USP54: variants seen among roughly 807,000 people sequenced by gnomAD.
USP54 encodes ubiquitin specific peptidase 54.
USP54 carries 87 observed loss-of-function variants against 170.5 expected under a neutral mutation model. That is an observed-to-expected ratio of 0.51 (90% CI 0.43 to 0.61). The LOEUF (loss-of-function observed/expected upper bound fraction) is 0.61. USP54 is among the 20% of genes least tolerant of loss of function. The pLI is 0.00. For synonymous variants in USP54, 655 were observed against 742.8 expected (o/e 0.88, Z 1.92); for missense variants, 1,786 against 2,047.8 (o/e 0.87, Z 2.47).
intron 10 of USP54, among the ~76,000 whole-genome samples, chr10:73,539,157 T>C (rs1020862986): frequency 2.6e-5 from 4 of 151,386 alleles, no homozygotes; most frequent in Non-Finnish European, 5.9e-5. Context: ...CATGCGCATG[T>C]ACTCCCAGCT....
At chr10:73,520,519 T>C (rs1004672407) in intron 18 of USP54, among the ~76,000 whole-genome samples, 4 of 152,210 alleles carry the variant, frequency 2.6e-5, no homozygotes, top group African/African-American at 9.7e-5. Context: ...AAATACTGAA[T>C]TAAAAAGTCA....
chr10:73,594,628 A>C (rs974862531), upstream of USP54, among the ~76,000 whole-genome samples: 3 of 151,756 alleles, frequency 2.0e-5, no homozygotes, highest in African/African-American at 4.8e-5. Context: ...TGAGACTTTT[A>C]AATAAACTGG....
Position 73,517,329 on chromosome 10 carries a change from C to T in USP54, c.3097G>A (p.Ala1033Thr). The change falls in exon 20 of 24, where the codon GCT becomes ACT. Residue 1033 changes from alanine to threonine, a missense_variant. Around this residue, in one of 3 missense-constraint regions of USP54, gnomAD observed 1,418 missense variants for 1,569.0 expected, o/e 0.90. Coordinates refer to ENST00000687698, the MANE Select transcript of USP54 (RefSeq NM_001391956.1). Reference protein sequence around the residue: ...EQLFQEKKDPANPSPVMPGIA... With the variant: ...EQLFQEKKDPTNPSPVMPGIA... ...CCAGGCATCACCGGGGAGGGGTTAG[C>T]AGGATCCTTCTTTTCTTGGAACAGC... 6.2e-7 allele frequency: 1 copy of T among 1,612,190 alleles called. No homozygotes were observed. The highest frequency in any genetic ancestry group is 8.5e-7 in the Non-Finnish European group (1 of 1,179,076).
At chr10:73,514,009 G>A (rs573687552) in intron 20 of USP54, among the ~76,000 whole-genome samples, 20 of 152,092 alleles carry the variant, frequency 1.3e-4, no homozygotes, top group Admixed American at 8.5e-4. Context: ...TAGAGACAGG[G>A]TCTCACCATG....
chr10:73,519,631 A>C, intron 19 of USP54, 166 bp downstream of exon 19: 1 of 998,718 alleles, frequency 1.0e-6, no homozygotes, highest in East Asian at 2.6e-5. Flanking sequence ...AAGGACCAGC[A>C]GTACAATGAG....
chr10:73,623,076 T>C (rs573544789), intron 1 of USP54, among the ~76,000 whole-genome samples: 2 of 152,338 alleles, frequency 1.3e-5, no homozygotes, highest in African/African-American at 4.8e-5. Flanking sequence ...GTTAACACTT[T>C]GTAATTTTGA....
At chr10:73,566,746 A>C (rs185036910) in intron 4 of USP54, among the ~76,000 whole-genome samples, 3,470 of 149,616 alleles carry the variant, frequency 0.023, 132 homozygotes, top group African/African-American at 0.078. Flanking sequence ...AACAAACAAA[A>C]AAACAAAACA....
At chr10:73,589,669 G>A (rs1366638975) in intron 1 of USP54, among the ~76,000 whole-genome samples, 3 of 152,024 alleles carry the variant, frequency 2.0e-5, no homozygotes, top group Non-Finnish European at 4.4e-5. Context: ...ATCAACAAGA[G>A]GAAAAAAGGA....
chr10:73,499,021 T>A lies in USP54; in HGVS notation c.4663A>T (p.Arg1555Ter). The A allele has an allele frequency of 6.2e-7, 1 of 1,614,188 alleles. No individual in the cohort carries two copies. The highest frequency in any genetic ancestry group is 8.5e-7 in the Non-Finnish European group (1 of 1,180,046). ...TTGCACCCTGGAGTAGTCAGGAATC[T>A]GGTCCCAATATGCTGGTTGGTCTCT... ...WSETNQHIGTRFLTTPGCNPQ... is the reference protein window; with the variant it reads ...WSETNQHIGT The change falls in exon 24 of 24, where the codon AGA (arginine) becomes TGA (stop). Residue 1555 changes from arginine to a stop codon, truncating the protein, a stop_gained. Transcript: ENST00000687698. LOFTEE classifies it high-confidence loss of function.
At position 73,542,889 on chromosome 10, in the gene USP54, G is replaced by A. The variant is rs554201509; in HGVS notation, c.490-4C>T. Reference sequence around the variant, plus strand: ...CACCACAGCTAGTACATACACACTGGGCAAAAGAGAAAAAGGCAAAACCAA... The same window carrying A: ...CACCACAGCTAGTACATACACACTGAGCAAAAGAGAAAAAGGCAAAACCAA... On this transcript the variant is annotated splice_polypyrimidine_tract_variant and splice_region_variant and intron_variant, in intron 6 of 23. Coordinates refer to ENST00000687698, the MANE Select transcript of USP54 (RefSeq NM_001391956.1). 1.2e-6 allele frequency: 2 copies of A among 1,614,020 alleles called. No individual in the cohort carries two copies. Among genetic ancestry groups the A allele is most frequent in the South Asian group, 2.2e-5 (2 of 91,070 alleles).
At chr10:73,585,963 A>G (rs1475288864) in intron 1 of USP54, among the ~76,000 whole-genome samples, 1 of 152,156 alleles carries the variant, frequency 6.6e-6, no homozygotes, top group Non-Finnish European at 1.5e-5. Context: ...GTGAGCCAAG[A>G]TCGCACCACT....
chr10:73,568,752 T>C (rs1040923629), intron 4 of USP54, among the ~76,000 whole-genome samples: 2 of 152,134 alleles, frequency 1.3e-5, no homozygotes, highest in Non-Finnish European at 1.5e-5. Flanking sequence ...TAGCCTTTGA[T>C]AAATACATCC....
intron 20 of USP54, 30 bp downstream of exon 20, chr10:73,516,345 C>G (rs199900767): frequency 3.1e-5 from 49 of 1,577,020 alleles, no homozygotes; most frequent in East Asian, 4.5e-5. Flanking sequence ...GATCCTCCCC[C>G]CTCCCCCCAA....
rs2133098013 is a variant in USP54 at position 73,499,107 on chromosome 10, G to A, written c.4577C>T (p.Thr1526Ile). The change falls in exon 24 of 24, where the codon ACT becomes ATT. Residue 1526 changes from threonine (T) to isoleucine (I), a missense_variant. By Grantham distance (89) the Thr-to-Ile change is moderately conservative. Coordinates refer to ENST00000687698, the MANE Select transcript of USP54 (RefSeq NM_001391956.1). The part of the protein sequence containing the change: ...TSQGAKYTGR[T>I]LNYQSLPHRS... Reference sequence around the variant, plus strand: ...ATGGGGGAGGCTCTGGTAGTTCAAAGTCCTTCCTGTGTACTTGGCCCCTTG... The same window carrying A: ...ATGGGGGAGGCTCTGGTAGTTCAAAATCCTTCCTGTGTACTTGGCCCCTTG... 6.2e-7 allele frequency: 1 copy of A among 1,614,106 alleles called. No homozygotes were observed. The highest frequency in any genetic ancestry group is 8.5e-7 in the Non-Finnish European group (1 of 1,179,986).
chr10:73,575,573 G>T lies in USP54; in HGVS notation c.86C>A (p.Pro29His). 1 of 1,613,910 alleles carries T rather than the reference G, an allele frequency of 6.2e-7. No individual in the cohort carries two copies. Residue 29 changes from proline to histidine, a missense_variant, in exon 3 of 24, where the codon CCC (proline) becomes CAC (histidine). Physicochemically the swap from Pro to His is moderately conservative, Grantham distance 77. Coordinates refer to ENST00000687698, the MANE Select transcript of USP54 (RefSeq NM_001391956.1). ...TGGCTCATTGCTGAGGCCTTTGCTG[G>T]GGGCTATGGAGGTTGAGCTTCGAGG... ...FAPRSSTSIA[P>H]SKGLSNEPGQ...
chr10:73,498,501 CCT>C lies in USP54; in HGVS notation c.*126_*127del. 1.1e-6 allele frequency: 1 copy of C among 885,606 alleles called. No individual in the cohort carries two copies. The highest frequency in any genetic ancestry group is 1.6e-6 in the Non-Finnish European group (1 of 613,358). 54.9% of individuals were successfully genotyped at this position (885,606 alleles called of 1,614,324 possible). A position where few individuals can be genotyped will look rare whatever the true frequency, so the allele number is the denominator to read the frequency against. On this transcript the variant is annotated 3_prime_UTR_variant, in exon 24 of 24. Transcript: ENST00000687698. Reference sequence around the variant, plus strand: ...ATGTTGGCCAGGATGGTCTCAATCTCCTGACCTCGTGATCCACCCGCCTCAGC... The same window carrying C: ...ATGTTGGCCAGGATGGTCTCAATCTCGACCTCGTGATCCACCCGCCTCAGC...
chr10:73,508,289 C>T (rs1346925907), intron 20 of USP54, among the ~76,000 whole-genome samples: 1 of 151,834 alleles, frequency 6.6e-6, no homozygotes, highest in Non-Finnish European at 1.5e-5. Context: ...CGCCTGTAGT[C>T]CCAGCTACTC....
intron 4 of USP54, among the ~76,000 whole-genome samples, chr10:73,549,695 C>A (rs1249437176): frequency 6.6e-6 from 1 of 152,174 alleles, no homozygotes. Flanking sequence ...CAGCCTAGTC[C>A]AAGTCATCTC....
intron 1 of USP54, among the ~76,000 whole-genome samples, chr10:73,579,989 G>A (rs188600752): frequency 3.0e-4 from 45 of 152,116 alleles, no homozygotes; most frequent in African/African-American, 9.9e-4. Flanking sequence ...AAGTGCCGAT[G>A]AGGAATCAGA....
Sources: gnomAD v4.1 joint callset for allele counts (sites outside exome capture counted in the v4.1 genomes callset) on GRCh38, gnomAD v4.1.1 for gene constraint, gnomAD v4.1.1 regional missense constraint, MANE v1.5 for transcripts, NCBI Gene and HGNC (gene_info 2026-07-23, HGNC 2026-07-21) for gene names.